KANSL1L: variants seen among roughly 807,000 people sequenced by gnomAD.
The protein encoded by KANSL1L is KAT8 regulatory NSL complex subunit 1-like protein.
In KANSL1L, 25 loss-of-function variants were observed where a neutral mutation model predicts 108.6. The ratio of observed to expected loss-of-function variants is 0.23; its 90% CI spans 0.17 to 0.32. The LOEUF (loss-of-function observed/expected upper bound fraction) is 0.32. KANSL1L is among the 10% of genes least tolerant of loss of function. The probability of loss-of-function intolerance (pLI) is 1.00; values close to 1 mark genes in which losing one functional copy is unlikely to be tolerated. For missense variants in KANSL1L, 1,137 were observed against 1,125.7 expected, an observed-to-expected ratio of 1.01 and a Z score of -0.14; for synonymous variants, 405 against 395.1, an observed-to-expected ratio of 1.03 and a Z score of -0.30.
At chr2:210,115,595 T>A (rs1480822643) in intron 3 of KANSL1L, among the ~76,000 whole-genome samples, 2 of 151,998 alleles carry the variant, frequency 1.3e-5, no homozygotes, top group Non-Finnish European at 2.9e-5. Flanking sequence ...CTGGCAAAAA[T>A]CAGTTAAAAC....
At chr2:210,110,879 A>G (rs2094897739) in intron 3 of KANSL1L, among the ~76,000 whole-genome samples, 1 of 152,110 alleles carries the variant, frequency 6.6e-6, no homozygotes. Context: ...TAAGAAGCTG[A>G]GGCAGGTGGA....
At chr2:210,119,960 T>C (rs115916385) in intron 3 of KANSL1L, among the ~76,000 whole-genome samples, 2,274 of 152,190 alleles carry the variant, frequency 0.015, 68 homozygotes, top group African/African-American at 0.052. Flanking sequence ...CAAAACAGCA[T>C]GGTACTCGAA....
intron 11 of KANSL1L, 62 bp downstream of exon 11, chr2:210,028,783 T>G: frequency 3.2e-6 from 4 of 1,239,638 alleles, no homozygotes; most frequent in Non-Finnish European, 4.5e-6. Context: ...ATTCTTCACT[T>G]TGAAAATTTA....
intron 5 of KANSL1L, among the ~76,000 whole-genome samples, chr2:210,089,273 T>G (rs544564220): frequency 6.6e-6 from 1 of 152,284 alleles, no homozygotes; most frequent in South Asian, 2.1e-4. Flanking sequence ...TAGGGTAGGG[T>G]TTGAAGTCAC....
At position 210,104,187 on chromosome 2, in the gene KANSL1L, C is replaced by T; in HGVS notation, c.1345G>A (p.Glu449Lys). The T allele has an allele frequency of 6.2e-7, 1 of 1,613,712 alleles. No homozygotes were observed. The highest frequency in any genetic ancestry group is 8.5e-7 in the Non-Finnish European group (1 of 1,179,678). ...TGTTCCGGTACAGGATCTTGACACT[C>T]CTGGGGAACCTGAGGATTCCCTAGA... ...NILGNPQVPQ[E>K]CQDPVPEQDF... Residue 449 changes from glutamate (E) to lysine (K), a missense_variant, in exon 4 of 15, where the codon GAG becomes AAG. Coordinates refer to ENST00000281772, the MANE Select transcript of KANSL1L (RefSeq NM_152519.4).
chr2:210,074,755 G>C (rs1333818088), intron 6 of KANSL1L, among the ~76,000 whole-genome samples: 1 of 152,256 alleles, frequency 6.6e-6, no homozygotes, highest in African/African-American at 2.4e-5. Flanking sequence ...ATAAAACAAA[G>C]CATCTTTATT....
At chr2:210,141,508 GAAGGA>G (rs2095229214) in intron 2 of KANSL1L, among the ~76,000 whole-genome samples, 1 of 152,084 alleles carries the variant, frequency 6.6e-6, no homozygotes, top group Admixed American at 6.6e-5. Context: ...ATGCCAACAT[GAAGGA>G]AAGAACAAGC....
At chr2:210,075,868 A>C in intron 5 of KANSL1L, 112 bp from the exon 6 acceptor site, 1 of 742,624 alleles carries the variant, frequency 1.3e-6, no homozygotes. Flanking sequence ...ATGACAGAAA[A>C]GTATTAATTT....
chr2:210,141,655 G>A (rs112867607), intron 2 of KANSL1L, among the ~76,000 whole-genome samples: 1 of 152,240 alleles, frequency 6.6e-6, no homozygotes, highest in Non-Finnish European at 1.5e-5. Flanking sequence ...CAGATGAAAT[G>A]GTCGAGGAAA....
chr2:210,143,941 A>G (rs2125602212), intron 2 of KANSL1L, among the ~76,000 whole-genome samples: 1 of 152,136 alleles, frequency 6.6e-6, no homozygotes, highest in South Asian at 2.1e-4. Flanking sequence ...ATATGTTTTC[A>G]TGTTCCTAAT....
intron 6 of KANSL1L, among the ~76,000 whole-genome samples, chr2:210,064,686 C>T (rs747971233): frequency 5.3e-5 from 8 of 151,608 alleles, no homozygotes; most frequent in Non-Finnish European, 1.0e-4. Flanking sequence ...GCAGTACATG[C>T]TTGTACCAGC....
chr2:210,085,516 A>G (rs2094628871), intron 5 of KANSL1L, among the ~76,000 whole-genome samples: 1 of 152,170 alleles, frequency 6.6e-6, no homozygotes, highest in South Asian at 2.1e-4. Context: ...AAGTTTGTCA[A>G]ATATTTGTCT....
intron 2 of KANSL1L, among the ~76,000 whole-genome samples, chr2:210,149,249 C>A (rs2125624250): frequency 6.6e-6 from 1 of 152,214 alleles, no homozygotes; most frequent in East Asian, 1.9e-4. Flanking sequence ...CAGAAATAGT[C>A]ATTCACTCAC....
rs60144283 is a variant in KANSL1L, at chr2:210,079,612, GTATATATA to G, written c.1551-3864_1551-3857del. ...TCTCAAAAAAAAAAAATATGTATGT[GTATATATA>G]TATATATATATATATATATATATAT... is the stretch of plus-strand genomic sequence containing the variant. On this transcript the variant is annotated intron_variant, in intron 5 of 14. Coordinates refer to ENST00000281772, the MANE Select transcript of KANSL1L (RefSeq NM_152519.4). Among the ~76,000 whole-genome samples the G allele has an allele frequency of 7.4e-3, 481 of 65,212 alleles. 7 individuals carry two copies. Among genetic ancestry groups the G allele is most frequent in the African/African-American group, 0.016 (173 of 10,576 alleles). The allele number at this position is 65,212 out of a possible 152,430, so 42.8% of individuals were successfully genotyped here.
chr2:210,054,781 G>A (rs2094331823), intron 6 of KANSL1L, among the ~76,000 whole-genome samples: 1 of 151,506 alleles, frequency 6.6e-6, no homozygotes, highest in Non-Finnish European at 1.5e-5. Flanking sequence ...AAAAGGAGGG[G>A]AAAGGAAGGG....
chr2:210,150,522 C>T (rs866965085), intron 2 of KANSL1L, among the ~76,000 whole-genome samples: 29 of 152,256 alleles, frequency 1.9e-4, no homozygotes, highest in Middle Eastern at 3.4e-3. Context: ...GTGGCTCATG[C>T]CTGTAATCCC....
intron 7 of KANSL1L, among the ~76,000 whole-genome samples, chr2:210,042,170 C>A (rs190858758): frequency 2.2e-3 from 339 of 152,252 alleles, no homozygotes; most frequent in African/African-American, 7.7e-3. Context: ...TTCTTAATAC[C>A]CGCACGTGAC....
chr2:210,161,919 G>A (rs1009201728), intron 1 of KANSL1L, among the ~76,000 whole-genome samples: 1 of 151,592 alleles, frequency 6.6e-6, no homozygotes, highest in African/African-American at 2.4e-5. Context: ...CAAAGATGGT[G>A]TATATATTTA....
Position 210,129,030 on chromosome 2 carries a change from C to T in KANSL1L, c.1230+1G>A, listed in dbSNP as rs766715752. 1 of 1,612,382 alleles carries T rather than the reference C, an allele frequency of 6.2e-7. No individual in the cohort carries two copies. Among genetic ancestry groups the T allele is most frequent in the African/African-American group, 1.3e-5 (1 of 74,824 alleles). On this transcript the variant is annotated splice_donor_variant, in intron 3 of 14. Coordinates refer to ENST00000281772, the MANE Select transcript of KANSL1L (RefSeq NM_152519.4). LOFTEE classifies it high-confidence loss of function. Reference sequence around the variant, plus strand: ...AGTAGAAGAACACAGACAGACAATACCTTGGAGGCACGAATTTGCCTGTGA... The same window carrying T: ...AGTAGAAGAACACAGACAGACAATATCTTGGAGGCACGAATTTGCCTGTGA...
Sources: allele counts gnomAD v4.1 joint callset (sites outside exome capture counted in the v4.1 genomes callset), GRCh38; gene constraint gnomAD v4.1.1; transcripts MANE v1.5; gene names NCBI Gene and HGNC (gene_info 2026-07-23, HGNC 2026-07-21).